Variants in COX7B2 observed in about 807,000 individuals in gnomAD.
The protein encoded by COX7B2 is cytochrome c oxidase subunit 7B2.
For missense variants in COX7B2, 109 were observed against 95.9 expected (o/e 1.14, Z -0.57); for synonymous variants, 37 against 32.1 (o/e 1.15, Z -0.51).
At chr4:46,760,103 T>C (rs1337222188) in intron 2 of COX7B2, among the ~76,000 whole-genome samples, 1 of 152,014 alleles carries the variant, frequency 6.6e-6, no homozygotes, top group Non-Finnish European at 1.5e-5. Flanking sequence ...AATCTATATG[T>C]GGAAGGAAAA....
At chr4:46,831,206 G>A (rs922516059) in intron 2 of COX7B2, among the ~76,000 whole-genome samples, 3 of 152,100 alleles carry the variant, frequency 2.0e-5, no homozygotes, top group South Asian at 2.1e-4. Flanking sequence ...AGGGTGGGCC[G>A]GGTCCCCCAG....
intron 2 of COX7B2, among the ~76,000 whole-genome samples, chr4:46,814,784 GTCATTTTTAATA>G (rs536104975): frequency 2.5e-3 from 385 of 152,214 alleles, no homozygotes; most frequent in Non-Finnish European, 4.2e-3. Flanking sequence ...ATTTACAGTA[GTCATTTTTAATA>G]TAGGGAATTG....
chr4:46,864,368 G>A (rs1252504846), intron 1 of COX7B2, among the ~76,000 whole-genome samples: 1 of 152,062 alleles, frequency 6.6e-6, no homozygotes, highest in Non-Finnish European at 1.5e-5. Context: ...TTAACTAAAG[G>A]GAAGTTAGCT....
chr4:46,828,892 T>C (rs571706748), intron 2 of COX7B2, among the ~76,000 whole-genome samples: 2 of 152,270 alleles, frequency 1.3e-5, no homozygotes, highest in African/African-American at 4.8e-5. Flanking sequence ...CTTGTGCAGA[T>C]TGATAACAGC....
intron 2 of COX7B2, among the ~76,000 whole-genome samples, chr4:46,797,018 A>G (rs1456062962): frequency 1.1e-5 from 1 of 89,098 alleles, no homozygotes; most frequent in Non-Finnish European, 2.0e-5. Flanking sequence ...GGTGCAGCGC[A>G]CAAGCATGGC....
chr4:46,766,548 A>G (rs1474651943), intron 2 of COX7B2, among the ~76,000 whole-genome samples: 2 of 151,982 alleles, frequency 1.3e-5, no homozygotes, highest in Admixed American at 1.3e-4. Context: ...AAAAATAAAA[A>G]AAAATTAGCC....
intron 2 of COX7B2, among the ~76,000 whole-genome samples, chr4:46,832,840 T>C (rs1024011874): frequency 1.3e-5 from 2 of 152,060 alleles, no homozygotes; most frequent in African/African-American, 4.8e-5. Context: ...GTAAGCTCCC[T>C]GAGGCCCTCA....
At chr4:46,900,591 T>C (rs962142906) in intron 1 of COX7B2, among the ~76,000 whole-genome samples, 1 of 152,186 alleles carries the variant, frequency 6.6e-6, no homozygotes, top group Non-Finnish European at 1.5e-5. Flanking sequence ...AATACTGCTA[T>C]GATTTGAATG....
At chr4:46,880,921 C>A (rs1177300698) in intron 1 of COX7B2, among the ~76,000 whole-genome samples, 1 of 142,194 alleles carries the variant, frequency 7.0e-6, no homozygotes, top group East Asian at 2.2e-4. Flanking sequence ...TGCAGCGCAC[C>A]AGCATGGCAC....
chr4:46,799,259 G>A (rs1024296808), intron 2 of COX7B2, among the ~76,000 whole-genome samples: 2 of 152,068 alleles, frequency 1.3e-5, no homozygotes, highest in African/African-American at 4.8e-5. Flanking sequence ...AGGAGGCTTT[G>A]GGCAGAAACG....
rs563090559 is a variant in COX7B2 at position 46,753,689 on chromosome 4, C to T, written c.-49-18448G>A. Among the ~76,000 whole-genome samples, 7 of 152,058 alleles carry T rather than the reference C, an allele frequency of 4.6e-5. No individual in the cohort carries two copies. In the South Asian group the frequency reaches 6.2e-4, roughly 14 times the overall value. ...ATGTCTAAAACACCAAAAGCAATGG[C>T]AACAAAAACCAAAATTGACAAATGG... On this transcript the variant is annotated intron_variant, in intron 2 of 2. Transcript: ENST00000355591.
At chr4:46,788,633 C>T (rs963244855) in intron 2 of COX7B2, among the ~76,000 whole-genome samples, 4 of 152,098 alleles carry the variant, frequency 2.6e-5, no homozygotes, top group Admixed American at 1.3e-4. Flanking sequence ...TACATATTTA[C>T]AGATGTATAT....
At chr4:46,790,919 C>T (rs756049532) in intron 2 of COX7B2, among the ~76,000 whole-genome samples, 6 of 152,314 alleles carry the variant, frequency 3.9e-5, no homozygotes, top group South Asian at 2.1e-4. Flanking sequence ...CTGTAAACTT[C>T]GGTCCATTTC....
intron 2 of COX7B2, among the ~76,000 whole-genome samples, chr4:46,753,770 A>G (rs1256753703): frequency 6.6e-6 from 1 of 152,186 alleles, no homozygotes; most frequent in Middle Eastern, 3.4e-3. Context: ...ATCAGAGTGA[A>G]CAGGCAACCT....
At chr4:46,753,843 C>T (rs1273350832) in intron 2 of COX7B2, among the ~76,000 whole-genome samples, 1 of 152,160 alleles carries the variant, frequency 6.6e-6, no homozygotes, top group Admixed American at 6.6e-5. Context: ...CCAGAATCTA[C>T]AATGAACTCA....
At chr4:46,811,726 A>C (rs11947685) in intron 2 of COX7B2, among the ~76,000 whole-genome samples, 53,130 of 151,932 alleles carry the variant, frequency 0.35, 9,457 homozygotes, top group South Asian at 0.48. Context: ...TGTGTCTCTG[A>C]ATTGATGTCT....
chr4:46,811,201 C>T (rs1719269155), intron 2 of COX7B2, among the ~76,000 whole-genome samples: 1 of 152,082 alleles, frequency 6.6e-6, no homozygotes, highest in Non-Finnish European at 1.5e-5. Flanking sequence ...TCTTCCCAGA[C>T]CTGGAATATT....
intron 2 of COX7B2, among the ~76,000 whole-genome samples, chr4:46,827,050 T>G (rs191787899): frequency 3.2e-4 from 49 of 152,016 alleles, no homozygotes; most frequent in African/African-American, 1.2e-3. Flanking sequence ...TGAATAAAAT[T>G]TGGAGTACAG....
chr4:46,743,501 T>C (rs1714834150), intron 2 of COX7B2, among the ~76,000 whole-genome samples: 1 of 152,224 alleles, frequency 6.6e-6, no homozygotes, highest in Admixed American at 6.6e-5. Context: ...CTTTAATAGT[T>C]TGACAGTGAT....
Sources: allele counts gnomAD v4.1 joint callset (sites outside exome capture counted in the v4.1 genomes callset), GRCh38; gene constraint gnomAD v4.1.1; transcripts MANE v1.5; gene names NCBI Gene and HGNC (gene_info 2026-07-23, HGNC 2026-07-21).